IQGAP2: variants seen among roughly 807,000 people sequenced by gnomAD.
IQGAP2 encodes ras GTPase-activating-like protein IQGAP2.
IQGAP2 carries 173 observed loss-of-function variants against 201.3 expected under a neutral mutation model. The ratio of observed to expected loss-of-function variants is 0.86; its 90% confidence interval spans 0.76 to 0.98. IQGAP2 has a LOEUF of 0.98. Ranked by LOEUF, IQGAP2 falls within the 50% of genes least tolerant of loss-of-function variation. The probability of loss-of-function intolerance (pLI) is 0.00; values close to 1 mark genes in which losing one functional copy is unlikely to be tolerated. For synonymous variants in IQGAP2, 675 were observed against 673.9 expected, an observed-to-expected ratio of 1.00 and a Z score of -0.03; for missense variants, 1,687 against 1,864.8, an observed-to-expected ratio of 0.90 and a Z score of 1.76.
At position 76,570,568 on chromosome 5, in the gene IQGAP2, T is replaced by C; in HGVS notation, c.304-12T>C. 1 of 1,600,454 alleles carries C rather than the reference T, an allele frequency of 6.2e-7. No individual in the cohort carries two copies. The highest frequency in any genetic ancestry group is 8.6e-7 in the Non-Finnish European group (1 of 1,167,786). ...TCCTTCTCTCCCTTTTTCCCTCCTATCGTCACTTTAGAAGTCTGGCCTTCA... is the reference window on the plus strand; with the variant it reads ...TCCTTCTCTCCCTTTTTCCCTCCTACCGTCACTTTAGAAGTCTGGCCTTCA... On this transcript the variant is annotated splice_polypyrimidine_tract_variant and intron_variant, in intron 3 of 35. Coordinates refer to ENST00000274364, the MANE Select transcript of IQGAP2 (RefSeq NM_006633.5).
chr5:76,647,966 G>A (rs150213294), intron 17 of IQGAP2, among the ~76,000 whole-genome samples: 423 of 152,238 alleles, frequency 2.8e-3, no homozygotes, highest in African/African-American at 9.7e-3. Flanking sequence ...TGGATCTTGT[G>A]CCCACTGAGC....
chr5:76,538,095 G>C (rs1043533567), intron 2 of IQGAP2, among the ~76,000 whole-genome samples: 2 of 152,184 alleles, frequency 1.3e-5, no homozygotes, highest in African/African-American at 4.8e-5. Flanking sequence ...GGCTAGGAAG[G>C]CCTCACAATC....
intron 2 of IQGAP2, among the ~76,000 whole-genome samples, chr5:76,471,379 A>AAC (rs1755097445): frequency 1.3e-5 from 2 of 151,600 alleles, no homozygotes; most frequent in Admixed American, 6.6e-5. Flanking sequence ...AAAAAAAAAA[A>AAC]AAAAAAACAC....
intron 2 of IQGAP2, among the ~76,000 whole-genome samples, chr5:76,476,272 C>T (rs1363914602): frequency 2.0e-5 from 3 of 152,010 alleles, no homozygotes; most frequent in Admixed American, 6.6e-5. Context: ...AGGAAAAGTC[C>T]TGGAGGTCAA....
chr5:76,524,980 T>C (rs1758886563), intron 2 of IQGAP2, among the ~76,000 whole-genome samples: 1 of 152,242 alleles, frequency 6.6e-6, no homozygotes, highest in African/African-American at 2.4e-5. Context: ...ATCTTTTTCC[T>C]CTGTCTTATT....
At chr5:76,608,529 G>A (rs1040216827) in intron 12 of IQGAP2, among the ~76,000 whole-genome samples, 1 of 152,166 alleles carries the variant, frequency 6.6e-6, no homozygotes, top group Non-Finnish European at 1.5e-5. Context: ...CTGAGGAGCT[G>A]AGAATTTTTC....
intron 17 of IQGAP2, among the ~76,000 whole-genome samples, chr5:76,649,317 A>C (rs1464993199): frequency 6.6e-6 from 1 of 152,228 alleles, no homozygotes; most frequent in Admixed American, 6.5e-5. Flanking sequence ...CCTGGAGAGA[A>C]AATAACTGTC....
chr5:76,651,986 T>A, intron 17 of IQGAP2, among the ~76,000 whole-genome samples: 1 of 112,036 alleles, frequency 8.9e-6, no homozygotes, highest in East Asian at 2.0e-4. Flanking sequence ...CAAGGAACTT[T>A]TACTTCCTTT....
chr5:76,656,988 C>G (rs187325446), intron 20 of IQGAP2, among the ~76,000 whole-genome samples: 1 of 152,196 alleles, frequency 6.6e-6, no homozygotes, highest in East Asian at 1.9e-4. Flanking sequence ...TTGAAAGATG[C>G]TGAAACTAAG....
intron 10 of IQGAP2, among the ~76,000 whole-genome samples, chr5:76,598,714 A>G (rs1395050311): frequency 6.6e-6 from 1 of 152,206 alleles, no homozygotes; most frequent in Non-Finnish European, 1.5e-5. Flanking sequence ...CCTGAAGGAT[A>G]TGAACCAAAT....
rs146599742 is a variant in IQGAP2 at position 76,505,187 on chromosome 5, ACCC to A, written c.146+43520_146+43522del. The stretch of plus-strand genomic sequence containing the variant: ...AGTATATGCTCAGTGCCTAGGGCAG[ACCC>A]CTCACCAGGTGAGCATTTGACAGAT... On this transcript the variant is annotated intron_variant, in intron 2 of 35. Coordinates refer to ENST00000274364, the MANE Select transcript of IQGAP2 (RefSeq NM_006633.5). 2.0e-5 allele frequency among the ~76,000 whole-genome samples: 3 copies of A among 152,194 alleles called. No individual in the cohort carries two copies. The South Asian group carries it at 6.2e-4, about 31-fold the overall frequency.
chr5:76,600,219 A>G (rs1747336656), intron 10 of IQGAP2, among the ~76,000 whole-genome samples: 1 of 152,232 alleles, frequency 6.6e-6, no homozygotes, highest in African/African-American at 2.4e-5. Context: ...TACTTGCTTT[A>G]CCAAAAGATC....
At chr5:76,423,777 C>A (rs2150083486) in intron 1 of IQGAP2, among the ~76,000 whole-genome samples, 1 of 152,272 alleles carries the variant, frequency 6.6e-6, no homozygotes, top group East Asian at 1.9e-4. Context: ...GGGCACTGAG[C>A]TAGTGAGAGA....
intron 17 of IQGAP2, among the ~76,000 whole-genome samples, chr5:76,651,593 C>T (rs1752517390): frequency 6.6e-6 from 1 of 151,690 alleles, no homozygotes; most frequent in African/African-American, 2.4e-5. Context: ...AAAATGAGAC[C>T]CTGTCTCAAA....
intron 2 of IQGAP2, among the ~76,000 whole-genome samples, chr5:76,483,422 T>C (rs1755910203): frequency 6.6e-6 from 1 of 152,202 alleles, no homozygotes; most frequent in South Asian, 2.1e-4. Context: ...TGGAGCAATA[T>C]TGGCCCAGCA....
intron 23 of IQGAP2, among the ~76,000 whole-genome samples, chr5:76,670,030 C>G (rs1744163275): frequency 6.6e-6 from 1 of 151,990 alleles, no homozygotes; most frequent in Admixed American, 6.6e-5. Flanking sequence ...ACCATGTTGG[C>G]CAGGCTGGTC....
At chr5:76,606,809 C>T (rs1194533037) in intron 12 of IQGAP2, 1 of 152,244 alleles carries the variant, frequency 6.6e-6, no homozygotes, top group African/African-American at 2.4e-5. Flanking sequence ...GGAAGATATG[C>T]CCTGAAACAT....
intron 1 of IQGAP2, among the ~76,000 whole-genome samples, chr5:76,448,213 T>A (rs1475211815): frequency 6.6e-6 from 1 of 152,118 alleles, no homozygotes; most frequent in Non-Finnish European, 1.5e-5. Flanking sequence ...ATAATACCAG[T>A]GTCATAGGAT....
In IQGAP2 at chr5:76,707,418, G is replaced by GTGAT. The variant is rs1225484664; in HGVS notation, c.*107_*110dup. ...GATTGAAATCACTGCTTATAAATGT[G>GTGAT]TGATTTTTTTAAAACGACCAAAACT... On this transcript the variant is annotated 3_prime_UTR_variant, in exon 36 of 36. Coordinates refer to ENST00000274364, the MANE Select transcript of IQGAP2 (RefSeq NM_006633.5). 1 of 669,318 alleles carries GTGAT rather than the reference G, an allele frequency of 1.5e-6. No homozygotes were observed. The highest frequency in any genetic ancestry group is 2.7e-6 in the Non-Finnish European group (1 of 376,584). 41.5% of individuals were successfully genotyped at this position (669,318 alleles called of 1,614,324 possible). A position where few individuals can be genotyped will look rare whatever the true frequency, so the allele number is the denominator to read the frequency against.
Sources: gnomAD v4.1 joint callset for allele counts (sites outside exome capture counted in the v4.1 genomes callset) on GRCh38, gnomAD v4.1.1 for gene constraint, MANE v1.5 for transcripts, NCBI Gene and HGNC (gene_info 2026-07-23, HGNC 2026-07-21) for gene names.